GTF3C1: variants seen among roughly 807,000 people sequenced by gnomAD.
GTF3C1 encodes the protein general transcription factor 3C polypeptide 1.
A neutral mutation model predicts 226.7 loss-of-function variants in GTF3C1; 57 were observed. That is an observed-to-expected ratio of 0.25 (90% CI 0.20 to 0.31). The LOEUF (loss-of-function observed/expected upper bound fraction) is 0.31, where lower values mean the gene tolerates loss of function less well. GTF3C1 is among the 10% of genes least tolerant of loss of function. The pLI is 1.00. For synonymous variants in GTF3C1, 1,090 were observed against 1,084.8 expected, an observed-to-expected ratio of 1.00 and a Z score of -0.09; for missense variants, 2,217 against 2,776.1, an observed-to-expected ratio of 0.80 and a Z score of 4.53.
chr16:27,514,080 C>T (rs1479957961), intron 6 of GTF3C1, among the ~76,000 whole-genome samples: 1 of 152,204 alleles, frequency 6.6e-6, no homozygotes, highest in African/African-American at 2.4e-5. Flanking sequence ...TGGAGACACT[C>T]TAACGGGGGC....
intron 10 of GTF3C1, 78 bp from the exon 11 acceptor site, chr16:27,503,073 C>T (rs75198717): frequency 8.4e-6 from 9 of 1,075,832 alleles, no homozygotes; most frequent in Non-Finnish European, 7.0e-6. Context: ...TGTGGGTGCA[C>T]TGGCCCTCTT....
At chr16:27,532,452 A>G (rs1039387655) in intron 5 of GTF3C1, among the ~76,000 whole-genome samples, 1 of 152,238 alleles carries the variant, frequency 6.6e-6, no homozygotes, top group Non-Finnish European at 1.5e-5. Flanking sequence ...TTTCACCTAC[A>G]GGGCCATGTT....
intron 6 of GTF3C1, among the ~76,000 whole-genome samples, chr16:27,517,918 G>A (rs1177657887): frequency 6.6e-6 from 1 of 152,178 alleles, no homozygotes; most frequent in South Asian, 2.1e-4. Context: ...TCCATCAGAA[G>A]CACGATTCAT....
At chr16:27,528,285 A>G (rs1357953635) in intron 6 of GTF3C1, among the ~76,000 whole-genome samples, 1 of 152,196 alleles carries the variant, frequency 6.6e-6, no homozygotes, top group Non-Finnish European at 1.5e-5. Flanking sequence ...GCAAAGAAAA[A>G]AAAGAAAAAG....
At chr16:27,482,525 G>T (rs1429527936) in intron 26 of GTF3C1, 4 of 455,934 alleles carry the variant, frequency 8.8e-6, no homozygotes. Flanking sequence ...GGCCTCCTTG[G>T]CGGAAAAGGT....
intron 6 of GTF3C1, among the ~76,000 whole-genome samples, chr16:27,524,925 G>A (rs1175558202): frequency 3.9e-5 from 6 of 152,078 alleles, no homozygotes; most frequent in African/African-American, 7.2e-5. Context: ...AGGCTGAGGC[G>A]GGCAGATCAC....
At position 27,513,638 on chromosome 16, in the gene GTF3C1, C is replaced by A. The variant is rs542683887; in HGVS notation, c.974-1737G>T. Among the ~76,000 whole-genome samples, 14 of 152,218 alleles carry A rather than the reference C, an allele frequency of 9.2e-5. No homozygotes were observed. In the South Asian group the frequency reaches 2.5e-3, roughly 27 times the overall value. On this transcript the variant is annotated intron_variant, in intron 6 of 36. Transcript: ENST00000356183. ...GGAATGAATTCTCTTCTAAAGCCTC[C>A]GGAAGGAACACTGCCCCGCAAACAT...
At chr16:27,466,216 G>A (rs1339439535) in intron 32 of GTF3C1, 1 of 152,394 alleles carries the variant, frequency 6.6e-6, no homozygotes, top group African/African-American at 2.4e-5. Context: ...CTTGCGGCAA[G>A]TCTGCATCAA....
Position 27,470,264 on chromosome 16 carries a change from G to C in GTF3C1, c.4658C>G (p.Thr1553Arg), listed in dbSNP as rs2087848382. The change falls in exon 31 of 37, where the codon ACA (threonine) becomes AGA (arginine). Residue 1553 changes from threonine to arginine, a missense_variant. Around this residue, in one of 12 missense-constraint regions of GTF3C1, gnomAD observed 546 missense variants for 663.0 expected, o/e 0.82. Coordinates refer to ENST00000356183, the MANE Select transcript of GTF3C1 (RefSeq NM_001520.4). This position sits in a 1 kb window ranked among gnomAD's most constrained non-coding sequence, Gnocchi z 4.9. ...CAGTGAAAAGGCCACCATGTCGTTT[G>C]TGGGCTCGTTATTATCCTGGTCTTT... ...SFKDQDNNEP[T>R]NDMVAFSLDG... The C allele has an allele frequency of 1.9e-6, 3 of 1,613,916 alleles. No individual in the cohort carries two copies. In the East Asian group the frequency reaches 6.7e-5, roughly 36 times the overall value.
In GTF3C1 at chr16:27,471,952, T is replaced by C. The variant is rs763610851; in HGVS notation, c.4354-32A>G. On this transcript the variant is annotated intron_variant, in intron 29 of 36. Coordinates refer to ENST00000356183, the MANE Select transcript of GTF3C1 (RefSeq NM_001520.4). The surrounding 1 kb of genome is among the most constrained non-coding windows in gnomAD (Gnocchi z 5.0). ...CACAGGGCGGCGAGGGTGAGTAGGGTTCTCCAGCCGGCCACGGAGAGGGCT... is the reference window on the plus strand; with the variant it reads ...CACAGGGCGGCGAGGGTGAGTAGGGCTCTCCAGCCGGCCACGGAGAGGGCT... 1.2e-6 allele frequency: 2 copies of C among 1,606,480 alleles called. No homozygotes were observed. The highest frequency in any genetic ancestry group is 1.7e-6 in the Non-Finnish European group (2 of 1,173,710).
At position 27,484,251 on chromosome 16, in the gene GTF3C1, G is replaced by A. The variant is rs754481582; in HGVS notation, c.3961C>T (p.Arg1321Cys). 1.2e-5 allele frequency: 19 copies of A among 1,608,220 alleles called. No homozygotes were observed. Among genetic ancestry groups the A allele is most frequent in the Non-Finnish European group, 1.6e-5 (19 of 1,174,794 alleles). ...KTSHSVGRRA[R>C]YIVKNPQAYL... ...GCCTGTGGGTTTTTGACTATGTAGCGAGCTCTTCGTCCAACGGAATGAGAT... is the reference window on the plus strand; with the variant it reads ...GCCTGTGGGTTTTTGACTATGTAGCAAGCTCTTCGTCCAACGGAATGAGAT... The change falls in exon 25 of 37, where the codon CGC (arginine) becomes TGC (cysteine). Residue 1321 changes from arginine to cysteine, a missense_variant. Arg to Cys is a radical substitution (Grantham distance 180). Transcript: ENST00000356183.
intron 2 of GTF3C1, among the ~76,000 whole-genome samples, chr16:27,545,109 T>G (rs998829250): frequency 6.6e-6 from 1 of 152,160 alleles, no homozygotes; most frequent in African/African-American, 2.4e-5. Context: ...CTACAGTAGC[T>G]GGGATTATGG....
At position 27,462,532 on chromosome 16, in the gene GTF3C1, G is replaced by A. The variant is rs1421062704; in HGVS notation, c.5925-46C>T. 2 of 1,484,514 alleles carry A rather than the reference G, an allele frequency of 1.3e-6. No homozygotes were observed. Among genetic ancestry groups the A allele is most frequent in the East Asian group, 4.6e-5 (2 of 43,868 alleles). The allele number at this position is 1,484,514 out of a possible 1,614,324, so 92.0% of individuals were successfully genotyped here. ...ATCAGGGCTTGGTGGGGGCAGGAGGGCAGCTCGTCCAGACAGAACACTGAG... is the reference window on the plus strand; with the variant it reads ...ATCAGGGCTTGGTGGGGGCAGGAGGACAGCTCGTCCAGACAGAACACTGAG... On this transcript the variant is annotated intron_variant, in intron 35 of 36. Coordinates refer to ENST00000356183, the MANE Select transcript of GTF3C1 (RefSeq NM_001520.4). The surrounding 1 kb of genome is among the most constrained non-coding windows in gnomAD (Gnocchi z 4.5).
At chr16:27,499,510 G>T (rs1437835517) in intron 12 of GTF3C1, among the ~76,000 whole-genome samples, 1 of 152,170 alleles carries the variant, frequency 6.6e-6, no homozygotes, top group African/African-American at 2.4e-5. Flanking sequence ...CATCCACTCT[G>T]GCCAGCAGCT....
chr16:27,528,689 G>C lies in GTF3C1; in HGVS notation c.882C>G (p.Tyr294Ter). The C allele has an allele frequency of 6.2e-7, 1 of 1,613,276 alleles. No individual in the cohort carries two copies. The highest frequency in any genetic ancestry group is 8.5e-7 in the Non-Finnish European group (1 of 1,179,224). Residue 294 changes from tyrosine to a stop codon, truncating the protein, a stop_gained, in exon 6 of 37, where the codon TAC becomes TAG. Transcript: ENST00000356183. LOFTEE classifies it high-confidence loss of function. ...CTAGCCCGGCGTTCAGCATATACTG[G>C]TACAGACGCTTAAACGTCCTTTCGC... ...GLCERTFKRLYQYMLNAGLAK... is the reference protein window; with the variant it reads ...GLCERTFKRL
chr16:27,497,276 C>T (rs1456332155), intron 14 of GTF3C1, among the ~76,000 whole-genome samples: 3 of 152,206 alleles, frequency 2.0e-5, no homozygotes, highest in Non-Finnish European at 2.9e-5. Flanking sequence ...GACTGTGCTG[C>T]CAGGGGATTT....
At position 27,495,380 on chromosome 16, in the gene GTF3C1, C is replaced by T; in HGVS notation, c.2463G>A (p.Glu821=). 6.2e-7 allele frequency: 1 copy of T among 1,614,192 alleles called. No individual in the cohort carries two copies. Among genetic ancestry groups the T allele is most frequent in the Middle Eastern group, 1.6e-4 (1 of 6,062 alleles). The change falls in exon 15 of 37, where the codon GAG becomes GAA. Residue 821 remains glutamate, a synonymous_variant. Transcript: ENST00000356183. ...TCCGTTCACTGATGAAGCTTGGCTT[C>T]TCCACGGTGTTGCTGGCAGGGTGCC... The part of the protein sequence containing the change: ...IYGHPASNTV[E]KPSFISERRT...
At chr16:27,473,282 G>C (rs776515593) in intron 29 of GTF3C1, among the ~76,000 whole-genome samples, 1 of 152,250 alleles carries the variant, frequency 6.6e-6, no homozygotes, top group Non-Finnish European at 1.5e-5. Flanking sequence ...GTGACTTCAT[G>C]GCTCAGCCTG....
chr16:27,546,131 G>A (rs2141467996), intron 1 of GTF3C1, among the ~76,000 whole-genome samples: 1 of 152,276 alleles, frequency 6.6e-6, no homozygotes. Flanking sequence ...ACAGGTGGGA[G>A]CCACCACAAG....
Sources: gnomAD v4.1 joint callset for allele counts (sites outside exome capture counted in the v4.1 genomes callset) on GRCh38, gnomAD v4.1.1 for gene constraint, gnomAD v4.1.1 regional missense constraint, Gnocchi (gnomAD v3.1) non-coding constraint, MANE v1.5 for transcripts, NCBI Gene and HGNC (gene_info 2026-07-23, HGNC 2026-07-21) for gene names.